Variants in TULP1 observed in about 807,000 individuals in gnomAD.
TULP1 encodes TUB like protein 1.
A neutral mutation model predicts 67.1 loss-of-function variants in TULP1; 50 were observed. The ratio of observed to expected loss-of-function variants is 0.75; its 90% confidence interval spans 0.59 to 0.94. The LOEUF (loss-of-function observed/expected upper bound fraction) is 0.94. Ranked by LOEUF, TULP1 falls within the 40% of genes least tolerant of loss-of-function variation. The pLI is 0.00. For missense variants in TULP1, 746 were observed against 734.1 expected, an observed-to-expected ratio of 1.02 and a Z score of -0.19; for synonymous variants, 297 against 294.0, an observed-to-expected ratio of 1.01 and a Z score of -0.11.
chr6:35,501,545 C>T lies in TULP1; in HGVS notation c.1324-1393G>A, dbSNP rs4713875. Among the ~76,000 whole-genome samples, 1,233 of 134,262 alleles carry T rather than the reference C, an allele frequency of 9.2e-3. 17 individuals carry two copies. The highest frequency in any genetic ancestry group is 0.044 in the East Asian group (214 of 4,918). The allele number at this position is 134,262 out of a possible 152,430, so 88.1% of individuals were successfully genotyped here. On this transcript the variant is annotated intron_variant, in intron 13 of 14. Transcript: ENST00000229771. Reference sequence around the variant, plus strand: ...AAAAAAAAAAGGCTGGGCACAGTGGCTCAGGCCTGTAATCCTAGCACTTTG... The same window carrying T: ...AAAAAAAAAAGGCTGGGCACAGTGGTTCAGGCCTGTAATCCTAGCACTTTG...
intron 13 of TULP1, 79 bp from the exon 14 acceptor site, chr6:35,500,231 G>T: frequency 6.6e-7 from 1 of 1,505,336 alleles, no homozygotes; most frequent in South Asian, 1.1e-5. Context: ...CGGAGAAGGG[G>T]CCTGGGCATG....
Position 35,511,715 on chromosome 6 carries a change from G to T in TULP1, c.282C>A (p.Asp94Glu). The part of the protein sequence containing the change: ...PQTVYARFLR[D>E]PEAKKRDPRE... ...GGGGGTCGCGCTTCTTGGCCTCGGG[G>T]TCCCTGAGGAACCTGGCGTAGACCG... Residue 94 changes from aspartate (D) to glutamate (E), a missense_variant, in exon 4 of 15, where the codon GAC (aspartate) becomes GAA (glutamate). Asp to Glu is a conservative substitution (Grantham distance 45). Coordinates refer to ENST00000229771, the MANE Select transcript of TULP1 (RefSeq NM_003322.6). The T allele has an allele frequency of 3.8e-6, 6 of 1,593,480 alleles. No individual in the cohort carries two copies. The highest frequency in any genetic ancestry group is 1.3e-5 in the African/African-American group (1 of 74,552).
At chr6:35,512,734 T>TCCCCATCCCACCCACTCCCC in intron 1 of TULP1, 44 bp from the exon 2 acceptor site, 1 of 1,079,112 alleles carries the variant, frequency 9.3e-7, no homozygotes, top group East Asian at 3.5e-5. Context: ...TCCCCTTCCC[T>TCCCCATCCCACCCACTCCCC]CCCCATCCCA....
chr6:35,511,776 G>A lies in TULP1; in HGVS notation c.221C>T (p.Pro74Leu). Reference protein sequence around the residue: ...AGRTGRPREEPSPDPAQARAP... With the variant: ...AGRTGRPREELSPDPAQARAP... ...CCGGGCCTGGGCTGGGTCTGGGGAA[G>A]GCTCCTCCCGCGGCCTCCCCGTCCG... Residue 74 changes from proline (P) to leucine (L), a missense_variant, in exon 4 of 15, where the codon CCT becomes CTT. By Grantham distance (98) the Pro-to-Leu change is moderately conservative. Coordinates refer to ENST00000229771, the MANE Select transcript of TULP1 (RefSeq NM_003322.6). 1 of 1,573,674 alleles carries A rather than the reference G, an allele frequency of 6.4e-7. No homozygotes were observed. Among genetic ancestry groups the A allele is most frequent in the South Asian group, 1.2e-5 (1 of 86,112 alleles).
Position 35,498,427 on chromosome 6 carries a change from G to A in TULP1, c.1529C>T (p.Ala510Val), listed in dbSNP as rs1419738633. The part of the protein sequence containing the change: ...DYIVLQFGRV[A>V]EDAFTLDYRY... ...GTAGTCTAGGGTGAAGGCGTCCTCC[G>A]CCACGCGGCCGAACTGCAGCACGAT... The change falls in exon 15 of 15, where the codon GCG (alanine) becomes GTG (valine). Residue 510 changes from alanine to valine, a missense_variant. Ala to Val is a moderately conservative substitution (Grantham distance 64, BLOSUM62 0). This residue lies in a region of TULP1 where 383 missense variants were observed against 374.1 expected (regional missense o/e 1.02). Transcript: ENST00000229771. The surrounding 1 kb of genome is among the most constrained non-coding windows in gnomAD (Gnocchi z 6.7). 1 of 1,613,966 alleles carries A rather than the reference G, an allele frequency of 6.2e-7. No individual in the cohort carries two copies. The highest frequency in any genetic ancestry group is 1.7e-5 in the Admixed American group (1 of 60,028).
intron 13 of TULP1, among the ~76,000 whole-genome samples, chr6:35,501,157 C>T (rs1403936270): frequency 6.6e-6 from 1 of 152,088 alleles, no homozygotes; most frequent in Non-Finnish European, 1.5e-5. Context: ...CTCTCCAGAA[C>T]ATCTCTCCAT....
chr6:35,509,241 G>A lies in TULP1; in HGVS notation c.790C>T (p.Gln264Ter), dbSNP rs2150926986. 2 of 1,613,910 alleles carry A rather than the reference G, an allele frequency of 1.2e-6. No individual in the cohort carries two copies. Among genetic ancestry groups the A allele is most frequent in the Non-Finnish European group, 1.7e-6 (2 of 1,179,928 alleles). ...CCTTTTCCTTTGGCTTTGCCCTTTT[G>A]ATTGCTCTTCTTTATCACCGTAGCT... ...EAATVIKKSN[Q>*]KGKAKGKGKK... Residue 264 changes from glutamine (Q) to a stop codon, truncating the protein, a stop_gained, in exon 8 of 15, where the codon CAA (glutamine) becomes TAA (stop). Coordinates refer to ENST00000229771, the MANE Select transcript of TULP1 (RefSeq NM_003322.6). LOFTEE classifies it high-confidence loss of function.
Position 35,512,797 on chromosome 6 carries a change from G to A in TULP1, c.47+15C>T. 1 of 1,572,570 alleles carries A rather than the reference G, an allele frequency of 6.4e-7. No individual in the cohort carries two copies. The highest frequency in any genetic ancestry group is 8.6e-7 in the Non-Finnish European group (1 of 1,157,244). ...CCCCAGGGTTCAGGTGCCACGAACT[G>A]GGGGCCTTCCAGACCTGTCAGAGGC... On this transcript the variant is annotated intron_variant, in intron 1 of 14. Coordinates refer to ENST00000229771, the MANE Select transcript of TULP1 (RefSeq NM_003322.6).
At chr6:35,504,798 C>T (rs1761048058) in intron 11 of TULP1, among the ~76,000 whole-genome samples, 1 of 151,670 alleles carries the variant, frequency 6.6e-6, no homozygotes, top group Non-Finnish European at 1.5e-5. Flanking sequence ...GATCTCCTGA[C>T]CTTGTGATCC....
At chr6:35,504,005 T>TGCA in intron 11 of TULP1, 157 bp from the exon 12 acceptor site, 1 of 609,878 alleles carries the variant, frequency 1.6e-6, no homozygotes, top group South Asian at 1.9e-5. Flanking sequence ...CTTCCCCCTA[T>TGCA]GCAGAGGTCT....
At chr6:35,504,051 C>T (rs113791993) in intron 11 of TULP1, 4 of 549,586 alleles carry the variant, frequency 7.3e-6, no homozygotes, top group Non-Finnish European at 1.3e-5. Flanking sequence ...CATGGTGGCT[C>T]AAGCTTGTAA....
At position 35,498,411 on chromosome 6, in the gene TULP1, G is replaced by A. The variant is rs760965923; in HGVS notation, c.1545C>T (p.Thr515=). The change falls in exon 15 of 15, where the codon ACC becomes ACT. Residue 515 remains threonine (T), a synonymous_variant. Transcript: ENST00000229771. This position sits in a 1 kb window ranked among gnomAD's most constrained non-coding sequence, Gnocchi z 6.7. ...QFGRVAEDAF[T]LDYRYPLCAL... ...CGCACAGCGGGTACCGGTAGTCTAG[G>A]GTGAAGGCGTCCTCCGCCACGCGGC... 3 of 1,613,986 alleles carry A rather than the reference G, an allele frequency of 1.9e-6. No homozygotes were observed. Among genetic ancestry groups the A allele is most frequent in the Non-Finnish European group, 2.5e-6 (3 of 1,180,022 alleles).
chr6:35,511,469 C>A (rs889328123), intron 4 of TULP1, among the ~76,000 whole-genome samples, 179 bp downstream of exon 4: 1 of 152,272 alleles, frequency 6.6e-6, no homozygotes, highest in South Asian at 2.1e-4. Flanking sequence ...AGGGGGGGAA[C>A]AAAGCACCCT....
In TULP1 at chr6:35,498,395, G is replaced by C; in HGVS notation, c.1561C>G (p.Pro521Ala). Residue 521 changes from proline (P) to alanine (A), a missense_variant, in exon 15 of 15, where the codon CCG becomes GCG. Pro to Ala is a conservative substitution (Grantham distance 27). Coordinates refer to ENST00000229771, the MANE Select transcript of TULP1 (RefSeq NM_003322.6). The surrounding 1 kb of genome is among the most constrained non-coding windows in gnomAD (Gnocchi z 6.7). ...EDAFTLDYRY[P>A]LCALQAFAIA... The stretch of plus-strand genomic sequence containing the variant: ...GCGAAGGCCTGCAGGGCGCACAGCG[G>C]GTACCGGTAGTCTAGGGTGAAGGCG... 6.2e-7 allele frequency: 1 copy of C among 1,613,916 alleles called. No homozygotes were observed. The highest frequency in any genetic ancestry group is 8.5e-7 in the Non-Finnish European group (1 of 1,180,006).
At chr6:35,505,930 C>G (rs572974325) in intron 10 of TULP1, 73 bp downstream of exon 10, 420 of 1,614,118 alleles carry the variant, frequency 2.6e-4, no homozygotes, top group African/African-American at 2.3e-3. Flanking sequence ...AGGGAGAAAT[C>G]AGGCCCGTTT....
At chr6:35,501,509 G>GAAAAAAAAAAAAA (rs67875217) in intron 13 of TULP1, among the ~76,000 whole-genome samples, 1 of 88,778 alleles carries the variant, frequency 1.1e-5, no homozygotes, top group Non-Finnish European at 2.0e-5. Flanking sequence ...CTCGGTCTCA[G>GAAAAAAAAAAAAA]AAAAAAAAAA....
intron 13 of TULP1, among the ~76,000 whole-genome samples, chr6:35,501,839 C>T (rs1760970408): frequency 6.6e-6 from 1 of 152,138 alleles, no homozygotes; most frequent in African/African-American, 2.4e-5. Flanking sequence ...AAAAACAAGT[C>T]ATGTCACTCC....
In TULP1 at chr6:35,503,784, T is replaced by C. The variant is rs1156856473; in HGVS notation, c.1177A>G (p.Ser393Gly). 6.2e-7 allele frequency: 1 copy of C among 1,613,670 alleles called. No individual in the cohort carries two copies. The highest frequency in any genetic ancestry group is 1.3e-5 in the African/African-American group (1 of 75,034). Residue 393 changes from serine to glycine, a missense_variant, in exon 12 of 15, where the codon AGC becomes GGC. Coordinates refer to ENST00000229771, the MANE Select transcript of TULP1 (RefSeq NM_003322.6). The surrounding 1 kb of genome is among the most constrained non-coding windows in gnomAD (Gnocchi z 4.0). Reference sequence around the variant, plus strand: ...TGCCGAAGGCTTGCCACATTAGTGCTGTACCCACGCTGTGGGTTCTGCCCG... The same window carrying C: ...TGCCGAAGGCTTGCCACATTAGTGCCGTACCCACGCTGTGGGTTCTGCCCG... ...DNGQNPQRGY[S>G]TNVASLRQEL...
rs1444548948 is a variant in TULP1, at chr6:35,498,308, C to A, written c.*19G>T. 5 of 1,611,170 alleles carry A rather than the reference C, an allele frequency of 3.1e-6. No homozygotes were observed. The highest frequency in any genetic ancestry group is 2.2e-5 in the East Asian group (1 of 44,812). Reference sequence around the variant, plus strand: ...CCCCCACGCTGACGGGCTCTGGGGGCGCTGAGGGGCTGCTGGGGTCACTCG... The same window carrying A: ...CCCCCACGCTGACGGGCTCTGGGGGAGCTGAGGGGCTGCTGGGGTCACTCG... On this transcript the variant is annotated 3_prime_UTR_variant, in exon 15 of 15. Coordinates refer to ENST00000229771, the MANE Select transcript of TULP1 (RefSeq NM_003322.6). The surrounding 1 kb of genome is among the most constrained non-coding windows in gnomAD (Gnocchi z 6.7).
Sources: gnomAD v4.1 joint callset for allele counts (sites outside exome capture counted in the v4.1 genomes callset) on GRCh38, gnomAD v4.1.1 for gene constraint, gnomAD v4.1.1 regional missense constraint, Gnocchi (gnomAD v3.1) non-coding constraint, MANE v1.5 for transcripts, NCBI Gene and HGNC (gene_info 2026-07-23, HGNC 2026-07-21) for gene names.